The following TAFA4 variants were observed in gnomAD, a reference collection of about 807,000 sequenced individuals.
TAFA4 encodes TAFA chemokine like family member 4, also known as chemokine-like protein TAFA-4.
In TAFA4, 20 loss-of-function variants were observed where a neutral mutation model predicts 21.1. The ratio of observed to expected loss-of-function variants is 0.95; its 90% CI spans 0.67 to 1.38. The LOEUF (loss-of-function observed/expected upper bound fraction) is 1.38, where lower values mean the gene tolerates loss of function less well. Ranked by LOEUF, TAFA4 falls within the 40% of genes most tolerant of loss-of-function variation. The pLI, the probability that TAFA4 is intolerant of heterozygous loss-of-function variation, is 0.00. For synonymous variants in TAFA4, 71 were observed against 67.4 expected (o/e 1.05, Z -0.26); for missense variants, 211 against 180.9 (o/e 1.17, Z -0.95).
At chr3:68,823,454 A>G (rs1704157101) in intron 3 of TAFA4, among the ~76,000 whole-genome samples, 1 of 151,992 alleles carries the variant, frequency 6.6e-6, no homozygotes, top group Non-Finnish European at 1.5e-5. Flanking sequence ...TTTAATTTTT[A>G]TTTTTAGTTC....
At chr3:68,884,200 T>C in intron 2 of TAFA4, among the ~76,000 whole-genome samples, 1 of 152,196 alleles carries the variant, frequency 6.6e-6, no homozygotes, top group East Asian at 1.9e-4. Context: ...GCTTCCCCTA[T>C]ATTGAGGGCT....
intron 3 of TAFA4, among the ~76,000 whole-genome samples, chr3:68,829,989 T>G (rs1376152086): frequency 1.3e-5 from 2 of 152,242 alleles, no homozygotes; most frequent in Non-Finnish European, 2.9e-5. Context: ...GTGTTTATAG[T>G]ATTCTCTGAT....
chr3:68,877,588 A>G (rs2089565522), intron 3 of TAFA4, among the ~76,000 whole-genome samples: 1 of 152,172 alleles, frequency 6.6e-6, no homozygotes, highest in Non-Finnish European at 1.5e-5. Flanking sequence ...AGGGCTCTCA[A>G]CACCCTTCTG....
chr3:68,909,370 A>G (rs541247752), intron 1 of TAFA4, among the ~76,000 whole-genome samples: 1 of 152,332 alleles, frequency 6.6e-6, no homozygotes, highest in South Asian at 2.1e-4. Flanking sequence ...TATCAATTCT[A>G]TGAGGGCAGG....
intron 1 of TAFA4, among the ~76,000 whole-genome samples, chr3:68,890,162 A>T (rs1411257805): frequency 2.6e-5 from 4 of 152,214 alleles, no homozygotes; most frequent in African/African-American, 4.8e-5. Context: ...AGCGGGAAGA[A>T]GTCAAGAAGA....
chr3:68,931,311 G>A (rs920807835), intron 1 of TAFA4, among the ~76,000 whole-genome samples: 3 of 152,104 alleles, frequency 2.0e-5, no homozygotes, highest in African/African-American at 7.2e-5. Context: ...ATGGGCACCA[G>A]GCTAGGTCTC....
intron 2 of TAFA4, among the ~76,000 whole-genome samples, chr3:68,884,181 A>T (rs533595070): frequency 6.6e-6 from 1 of 152,278 alleles, no homozygotes; most frequent in Admixed American, 6.5e-5. Context: ...CTTCAGATCC[A>T]TTCCTCCCGC....
chr3:68,880,608 T>C, intron 3 of TAFA4, 122 bp downstream of exon 3: 1 of 721,844 alleles, frequency 1.4e-6, no homozygotes, highest in East Asian at 2.7e-5. Flanking sequence ...TATTTCATGC[T>C]TCCTCTAGTT....
chr3:68,800,785 G>A (rs1703561690), intron 3 of TAFA4, among the ~76,000 whole-genome samples: 2 of 152,208 alleles, frequency 1.3e-5, no homozygotes, highest in Non-Finnish European at 2.9e-5. Flanking sequence ...TCTTCTACGT[G>A]TGCATATTCC....
At chr3:68,746,121 T>C (rs1702452864) in intron 4 of TAFA4, among the ~76,000 whole-genome samples, 2 of 152,154 alleles carry the variant, frequency 1.3e-5, no homozygotes, top group Non-Finnish European at 2.9e-5. Context: ...TTTTGGACTC[T>C]TGGAGTTACA....
chr3:68,811,032 A>T (rs1204309061), intron 3 of TAFA4, among the ~76,000 whole-genome samples: 1 of 152,212 alleles, frequency 6.6e-6, no homozygotes. Flanking sequence ...ACTGTTCTGC[A>T]GCCTCCGCTG....
chr3:68,817,293 T>C (rs1251587963), intron 3 of TAFA4, among the ~76,000 whole-genome samples: 1 of 152,208 alleles, frequency 6.6e-6, no homozygotes, highest in Non-Finnish European at 1.5e-5. Context: ...TATCATAAGA[T>C]TACAGAAATT....
chr3:68,816,176 G>A (rs565432100), intron 3 of TAFA4, among the ~76,000 whole-genome samples: 15 of 152,148 alleles, frequency 9.9e-5, no homozygotes, highest in Admixed American at 2.6e-4. Flanking sequence ...GGAGTGGGGG[G>A]AGGGAGGAGG....
intron 3 of TAFA4, among the ~76,000 whole-genome samples, chr3:68,854,227 G>A (rs1705017191): frequency 6.6e-6 from 1 of 151,978 alleles, no homozygotes; most frequent in East Asian, 1.9e-4. Context: ...AGGGAACACA[G>A]GCCTGAGACG....
At chr3:68,761,811 T>C (rs1442409133) in intron 3 of TAFA4, among the ~76,000 whole-genome samples, 1 of 152,126 alleles carries the variant, frequency 6.6e-6, no homozygotes, top group Non-Finnish European at 1.5e-5. Flanking sequence ...CTTGGACCAA[T>C]GTGGTAGCAG....
At chr3:68,768,764 A>T (rs772046069) in intron 3 of TAFA4, among the ~76,000 whole-genome samples, 2 of 152,200 alleles carry the variant, frequency 1.3e-5, no homozygotes, top group Non-Finnish European at 2.9e-5. Flanking sequence ...GGGTCATTTA[A>T]AAAAGTAAAA....
chr3:68,919,726 T>C (rs1052929428), intron 1 of TAFA4, among the ~76,000 whole-genome samples: 2 of 152,204 alleles, frequency 1.3e-5, no homozygotes, highest in African/African-American at 2.4e-5. Flanking sequence ...GGAAGTTCTA[T>C]TGAAACATAC....
chr3:68,794,846 G>A (rs1703424590), intron 3 of TAFA4, among the ~76,000 whole-genome samples: 1 of 151,416 alleles, frequency 6.6e-6, no homozygotes. Flanking sequence ...AATGCAGAGA[G>A]ATAAGTCATA....
At chr3:68,836,341 C>T (rs1411628914) in intron 3 of TAFA4, among the ~76,000 whole-genome samples, 4 of 152,180 alleles carry the variant, frequency 2.6e-5, no homozygotes, top group African/African-American at 9.6e-5. Context: ...TCAAAATTAA[C>T]AGGGGATAAT....
Sources: gnomAD v4.1 joint callset for allele counts (sites outside exome capture counted in the v4.1 genomes callset) on GRCh38, gnomAD v4.1.1 for gene constraint, MANE v1.5 for transcripts, NCBI Gene and HGNC (gene_info 2026-07-23, HGNC 2026-07-21) for gene names.